The following SOHLH1 variants were observed in gnomAD, a reference collection of about 807,000 sequenced individuals.
The protein encoded by SOHLH1 is spermatogenesis and oogenesis specific basic helix-loop-helix 1, also known as spermatogenesis- and oogenesis-specific basic helix-loop-helix-containing protein 1.
A neutral mutation model predicts 36.2 loss-of-function variants in SOHLH1; 23 were observed. The observed-to-expected ratio is 0.64, with a 90% CI of 0.46 to 0.90. SOHLH1 has a LOEUF of 0.90. Ranked by LOEUF, SOHLH1 falls within the 40% of genes least tolerant of loss-of-function variation. The pLI is 0.00. For missense variants in SOHLH1, 608 were observed against 517.0 expected, an observed-to-expected ratio of 1.18 and a Z score of -1.71; for synonymous variants, 289 against 228.3, an observed-to-expected ratio of 1.27 and a Z score of -2.40.
chr9:135,694,056 C>T (rs1458261397), intron 7 of SOHLH1: 2 of 1,426,406 alleles, frequency 1.4e-6, no homozygotes, highest in Non-Finnish European at 1.8e-6. Context: ...TGGACACACG[C>T]CATGTCACAG....
Position 135,693,797 on chromosome 9 carries a change from C to G in SOHLH1, c.964G>C (p.Gly322Arg). The change falls in exon 8 of 8, where the codon GGA (glycine) becomes CGA (arginine). Residue 322 changes from glycine to arginine, a missense_variant. Coordinates refer to ENST00000425225, the MANE Select transcript of SOHLH1 (RefSeq NM_001101677.2). ...SSWPGSLEGR[G>R]GSGPAWAPAE... ...GGGGCCCATGCAGGGCCACTGCCTC[C>G]TCGACCCTCCAGAGACCCTGGAAGC... 1.3e-6 allele frequency: 2 copies of G among 1,575,192 alleles called. No individual in the cohort carries two copies. The highest frequency in any genetic ancestry group is 1.7e-6 in the Non-Finnish European group (2 of 1,160,238).
At chr9:135,698,627 C>G (rs1834905949) in intron 2 of SOHLH1, 151 bp from the exon 3 acceptor site, 2 of 1,167,368 alleles carry the variant, frequency 1.7e-6, no homozygotes, top group African/African-American at 1.5e-5. Context: ...GGTCTGAAGC[C>G]CCGAGATCCA....
Position 135,695,029 on chromosome 9 carries a change from GCACAC to G in SOHLH1, c.875+16_875+20del, listed in dbSNP as rs776030089. ...TGCTCGCTCACGCACACACAGGCGTGCACACCACCTGGGCACTCACCCGGCCTCCT... is the reference window on the plus strand; with the variant it reads ...TGCTCGCTCACGCACACACAGGCGTGCACCTGGGCACTCACCCGGCCTCCT... On this transcript the variant is annotated intron_variant, in intron 6 of 7. Coordinates refer to ENST00000425225, the MANE Select transcript of SOHLH1 (RefSeq NM_001101677.2). The G allele has an allele frequency of 1.9e-6, 3 of 1,577,290 alleles. No individual in the cohort carries two copies. The Admixed American group carries it at 5.3e-5, about 28-fold the overall frequency.
rs1334731939 is a variant in SOHLH1, at chr9:135,694,144, C to T, written c.946+243G>A. ...CAGGGTCAAGGGGAAGAATACAGGGCTCCAAGCACCGCCAGCTCTCATGCA... is the reference window on the plus strand; with the variant it reads ...CAGGGTCAAGGGGAAGAATACAGGGTTCCAAGCACCGCCAGCTCTCATGCA... On this transcript the variant is annotated intron_variant, in intron 7 of 7. Coordinates refer to ENST00000425225, the MANE Select transcript of SOHLH1 (RefSeq NM_001101677.2). The T allele has an allele frequency of 4.9e-6, 7 of 1,434,764 alleles. No individual in the cohort carries two copies. The African/African-American group carries it at 7.2e-5, about 15-fold the overall frequency. The allele number at this position is 1,434,764 out of a possible 1,614,324, so 88.9% of individuals were successfully genotyped here. A position where few individuals can be genotyped will look rare whatever the true frequency, so the allele number is the denominator to read the frequency against.
chr9:135,700,660 C>T (rs1397705795), upstream of SOHLH1, among the ~76,000 whole-genome samples: 2 of 152,176 alleles, frequency 1.3e-5, no homozygotes, highest in East Asian at 3.9e-4. Flanking sequence ...GCATCCTGGA[C>T]TTTGGGCCAA....
rs899281739 is a variant in SOHLH1 at position 135,696,815 on chromosome 9, G to A, written c.468-10C>T. 1.2e-6 allele frequency: 2 copies of A among 1,612,808 alleles called. No homozygotes were observed. Among genetic ancestry groups the A allele is most frequent in the Non-Finnish European group, 1.7e-6 (2 of 1,179,942 alleles). On this transcript the variant is annotated splice_polypyrimidine_tract_variant and intron_variant, in intron 4 of 7. Transcript: ENST00000425225. ...CTTCACATCTGGGGTTCTAGAAGGA[G>A]CAACATGACAAGGATCCTGGGTCTA...
At chr9:135,695,767 G>C (rs911653278) in intron 5 of SOHLH1, among the ~76,000 whole-genome samples, 4 of 152,128 alleles carry the variant, frequency 2.6e-5, no homozygotes, top group Non-Finnish European at 4.4e-5. Context: ...CCACAGCAGG[G>C]GCCGAGGGGA....
At chr9:135,696,547 G>T in intron 5 of SOHLH1, 65 bp downstream of exon 5, 1 of 1,579,452 alleles carries the variant, frequency 6.3e-7, no homozygotes, top group Non-Finnish European at 8.6e-7. Context: ...TGTTCTTAGG[G>T]CTAAAGCACA....
At chr9:135,694,949 C>G in intron 6 of SOHLH1, 101 bp downstream of exon 6, 1 of 1,313,024 alleles carries the variant, frequency 7.6e-7, no homozygotes, top group Non-Finnish European at 1.1e-6. Flanking sequence ...TTCCAGATGC[C>G]GAGAAAGTGG....
In SOHLH1 at chr9:135,694,381, A is replaced by G. The variant is rs369495324; in HGVS notation, c.946+6T>C. 25 of 1,612,344 alleles carry G rather than the reference A, an allele frequency of 1.6e-5. No homozygotes were observed. Among genetic ancestry groups the G allele is most frequent in the Non-Finnish European group, 2.0e-5 (24 of 1,179,654 alleles). On this transcript the variant is annotated splice_donor_region_variant and intron_variant, in intron 7 of 7. Coordinates refer to ENST00000425225, the MANE Select transcript of SOHLH1 (RefSeq NM_001101677.2). ...GGACCAGCCCTGAACCCAGGGCCCC[A>G]CTCACCCGGCCACGAGCTGGGACCA... is the stretch of plus-strand genomic sequence containing the variant.
At chr9:135,695,295 C>A in intron 5 of SOHLH1, 32 bp from the exon 6 acceptor site, 1 of 1,559,202 alleles carries the variant, frequency 6.4e-7, no homozygotes, top group Non-Finnish European at 8.7e-7. Flanking sequence ...GGTCAGCCTT[C>A]CCTGCCCAGC....
chr9:135,699,218 G>A (rs545780559), intron 1 of SOHLH1, 92 bp from the exon 2 acceptor site: 2 of 1,541,662 alleles, frequency 1.3e-6, no homozygotes, highest in East Asian at 4.9e-5. Flanking sequence ...TTGGGGTGCG[G>A]GTGGAAGCCA....
chr9:135,699,288 G>A (rs978902937), intron 1 of SOHLH1, 115 bp downstream of exon 1: 16 of 1,493,818 alleles, frequency 1.1e-5, no homozygotes, highest in Non-Finnish European at 1.2e-5. Flanking sequence ...CTCTCCCAGG[G>A]TCCAGGGCTC....
In SOHLH1 at chr9:135,696,811, A is replaced by G; in HGVS notation, c.468-6T>C. The G allele has an allele frequency of 6.2e-7, 1 of 1,612,864 alleles. No homozygotes were observed. The highest frequency in any genetic ancestry group is 1.3e-5 in the African/African-American group (1 of 75,040). ...ACGCCTTCACATCTGGGGTTCTAGA[A>G]GGAGCAACATGACAAGGATCCTGGG... On this transcript the variant is annotated splice_region_variant and splice_polypyrimidine_tract_variant and intron_variant, in intron 4 of 7. Coordinates refer to ENST00000425225, the MANE Select transcript of SOHLH1 (RefSeq NM_001101677.2).
intron 4 of SOHLH1, 87 bp downstream of exon 4, chr9:135,697,419 A>C: frequency 6.4e-7 from 1 of 1,558,454 alleles, no homozygotes; most frequent in Non-Finnish European, 8.7e-7. Flanking sequence ...TCCAGGCCAC[A>C]CCCTCCCGAG....
chr9:135,694,996 C>A (rs1214871701), intron 6 of SOHLH1, 54 bp downstream of exon 6: 9 of 1,521,460 alleles, frequency 5.9e-6, no homozygotes, highest in Non-Finnish European at 8.0e-6. Flanking sequence ...GACAGGCTCA[C>A]ACACACATGC....
chr9:135,695,794 C>G (rs192155072), intron 5 of SOHLH1, among the ~76,000 whole-genome samples: 2 of 152,088 alleles, frequency 1.3e-5, no homozygotes, highest in Admixed American at 1.3e-4. Flanking sequence ...TCATCAGAGG[C>G]GCCCTGCAGG....
At chr9:135,700,751 G>A (rs1425251256), upstream of SOHLH1, among the ~76,000 whole-genome samples, 2 of 152,166 alleles carry the variant, frequency 1.3e-5, no homozygotes, top group African/African-American at 4.8e-5. Context: ...CCCAGCCTTG[G>A]CTGCAGGTCA....
At chr9:135,698,687 C>A (rs549852065) in intron 2 of SOHLH1, among the ~76,000 whole-genome samples, 1 of 152,284 alleles carries the variant, frequency 6.6e-6, no homozygotes, top group East Asian at 1.9e-4. Flanking sequence ...GACAGGCTGT[C>A]CAGCCCAGGC....
Sources: allele counts gnomAD v4.1 joint callset (sites outside exome capture counted in the v4.1 genomes callset), GRCh38; gene constraint gnomAD v4.1.1; transcripts MANE v1.5; gene names NCBI Gene and HGNC (gene_info 2026-07-23, HGNC 2026-07-21).